Variants in EPB41L1 observed in about 807,000 individuals in gnomAD.
EPB41L1 encodes the protein band 4.1-like protein 1.
EPB41L1 carries 29 observed loss-of-function variants against 97.8 expected under a neutral mutation model. The observed-to-expected ratio is 0.30, with a 90% CI of 0.22 to 0.40. The LOEUF (loss-of-function observed/expected upper bound fraction) is 0.40. Among genes scored for constraint, EPB41L1 ranks in the 10% least tolerant of loss-of-function variants. The probability of loss-of-function intolerance (pLI) is 1.00; values close to 1 mark genes in which losing one functional copy is unlikely to be tolerated. For missense variants in EPB41L1, 812 were observed against 1,162.3 expected, an observed-to-expected ratio of 0.70 and a Z score of 4.38; for synonymous variants, 383 against 459.2, an observed-to-expected ratio of 0.83 and a Z score of 2.12.
intron 14 of EPB41L1, among the ~76,000 whole-genome samples, chr20:36,204,615 G>C (rs1364637613): frequency 6.6e-6 from 1 of 151,534 alleles, no homozygotes; most frequent in Non-Finnish European, 1.5e-5. Context: ...CTCCCAAAGT[G>C]CTGGGATTAC....
rs905625710 is a variant in EPB41L1 at position 36,229,493 on chromosome 20, T to C, written c.*153T>C. 5.7e-6 allele frequency: 4 copies of C among 702,566 alleles called. No homozygotes were observed. Among genetic ancestry groups the C allele is most frequent in the Non-Finnish European group, 1.0e-5 (4 of 389,734 alleles). 43.5% of individuals were successfully genotyped at this position (702,566 alleles called of 1,614,324 possible). A position where few individuals can be genotyped will look rare whatever the true frequency, so the allele number is the denominator to read the frequency against. ...GACTGGGAAGGGAAAAGCATATATA[T>C]ATAGATATATAGAGATATAGATATA... On this transcript the variant is annotated 3_prime_UTR_variant, in exon 22 of 22. Transcript: ENST00000338074.
At chr20:36,222,031 A>C in intron 20 of EPB41L1, 87 bp downstream of exon 20, 25 of 1,390,038 alleles carry the variant, frequency 1.8e-5, no homozygotes, top group Non-Finnish European at 2.4e-5. Context: ...GGCTATCCTC[A>C]TGGGCAGAGA....
chr20:36,184,535 G>C (rs1190464248), intron 6 of EPB41L1, among the ~76,000 whole-genome samples: 1 of 152,168 alleles, frequency 6.6e-6, no homozygotes, highest in African/African-American at 2.4e-5. Context: ...TTGGCAAGCA[G>C]GTTCATCTGG....
At chr20:36,158,446 G>A (rs1357552529) in intron 1 of EPB41L1, among the ~76,000 whole-genome samples, 9 of 152,174 alleles carry the variant, frequency 5.9e-5, no homozygotes, top group Admixed American at 3.9e-4. Context: ...GTCGGATTTC[G>A]ATGGTTGAAG....
chr20:36,197,824 C>T, intron 13 of EPB41L1, 35 bp from the exon 14 acceptor site: 3 of 1,613,910 alleles, frequency 1.9e-6, no homozygotes, highest in Non-Finnish European at 1.7e-6. Context: ...TGGAGCTGTT[C>T]CCCTAACACC....
At chr20:36,147,438 A>G (rs946700225) in intron 2 of EPB41L1, among the ~76,000 whole-genome samples, 16 of 152,208 alleles carry the variant, frequency 1.1e-4, no homozygotes, top group African/African-American at 3.9e-4. Flanking sequence ...TGTAGGATTA[A>G]TGATAGAACA....
intron 1 of EPB41L1, among the ~76,000 whole-genome samples, chr20:36,102,858 G>T (rs1429655830): frequency 6.6e-6 from 1 of 152,320 alleles, no homozygotes; most frequent in East Asian, 1.9e-4. Flanking sequence ...GGTGACCTCT[G>T]TTCAGAGCTG....
intron 1 of EPB41L1, among the ~76,000 whole-genome samples, chr20:36,172,697 T>C (rs1475802127): frequency 6.6e-6 from 1 of 152,078 alleles, no homozygotes; most frequent in Non-Finnish European, 1.5e-5. Context: ...GCCTCCCAGG[T>C]TCAAGCGATT....
intron 1 of EPB41L1, among the ~76,000 whole-genome samples, chr20:36,171,652 T>TA (rs2060994770): frequency 6.6e-6 from 1 of 152,190 alleles, no homozygotes; most frequent in South Asian, 2.1e-4. Flanking sequence ...GGTCCCTGGC[T>TA]TTCTATCCAG....
At chr20:36,133,737 G>T (rs1451028609) in intron 2 of EPB41L1, among the ~76,000 whole-genome samples, 1 of 151,756 alleles carries the variant, frequency 6.6e-6, no homozygotes, top group Admixed American at 6.6e-5. Flanking sequence ...CGCCTCTGTG[G>T]TCCCAACTAC....
chr20:36,153,420 C>G (rs1368876167), upstream of EPB41L1, among the ~76,000 whole-genome samples: 2 of 152,130 alleles, frequency 1.3e-5, no homozygotes, highest in African/African-American at 4.8e-5. Flanking sequence ...AGCTTGGGGC[C>G]TCTGTGCTTC....
At chr20:36,219,963 C>A in intron 19 of EPB41L1, 119 bp downstream of exon 19, 1 of 913,110 alleles carries the variant, frequency 1.1e-6, no homozygotes, top group Non-Finnish European at 1.8e-6. Context: ...GTAGTGTTTA[C>A]CAGCTTCTGG....
intron 1 of EPB41L1, among the ~76,000 whole-genome samples, chr20:36,096,072 G>C (rs2057822039): frequency 6.6e-6 from 1 of 151,974 alleles, no homozygotes; most frequent in Non-Finnish European, 1.5e-5. Context: ...TCTCACGCCA[G>C]ACCTAGGAAT....
At chr20:36,139,407 T>C (rs1259284971) in intron 2 of EPB41L1, among the ~76,000 whole-genome samples, 2 of 152,252 alleles carry the variant, frequency 1.3e-5, no homozygotes, top group Non-Finnish European at 2.9e-5. Flanking sequence ...TAGTCAGTTA[T>C]CTTTCTGTCA....
chr20:36,207,604 C>T lies in EPB41L1; in HGVS notation c.1669-1884C>T. The T allele has an allele frequency of 1.6e-6, 2 of 1,290,040 alleles. No homozygotes were observed. The highest frequency in any genetic ancestry group is 5.6e-5 in the East Asian group (1 of 18,008). The allele number at this position is 1,290,040 out of a possible 1,614,324, so 79.9% of individuals were successfully genotyped here. On this transcript the variant is annotated intron_variant, in intron 14 of 21. Transcript: ENST00000338074. This position sits in a 1 kb window ranked among gnomAD's most constrained non-coding sequence, Gnocchi z 4.9. ...CTCAGACCTGGGCTTCGCCCAACTC[C>T]AGCCCCCAGGGGACTTTGCCAGCCC...
At chr20:36,140,036 G>T (rs1328194933) in intron 2 of EPB41L1, among the ~76,000 whole-genome samples, 3 of 144,192 alleles carry the variant, frequency 2.1e-5, no homozygotes, top group African/African-American at 7.7e-5. Flanking sequence ...GGCCTAGGTG[G>T]TTTTTTTTTG....
intron 14 of EPB41L1, chr20:36,208,527 G>C: frequency 4.0e-6 from 1 of 252,424 alleles, no homozygotes; most frequent in South Asian, 3.5e-5. Context: ...ACTCTGGCTT[G>C]TCTGGAATGT....
intron 1 of EPB41L1, among the ~76,000 whole-genome samples, chr20:36,157,030 C>T (rs1783322155): frequency 1.3e-5 from 2 of 152,146 alleles, no homozygotes; most frequent in South Asian, 4.1e-4. Context: ...TGAAGACCAT[C>T]CTGGCCAACA....
chr20:36,141,975 GC>G (rs1432391511), intron 2 of EPB41L1, among the ~76,000 whole-genome samples: 4 of 125,610 alleles, frequency 3.2e-5, no homozygotes, highest in Non-Finnish European at 6.3e-5. Context: ...AGGCGTGGTG[GC>G]GGGGCACCTG....
Sources: allele counts gnomAD v4.1 joint callset (sites outside exome capture counted in the v4.1 genomes callset), GRCh38; gene constraint gnomAD v4.1.1; non-coding constraint Gnocchi (gnomAD v3.1); transcripts MANE v1.5; gene names NCBI Gene and HGNC (gene_info 2026-07-23, HGNC 2026-07-21).